Variants in EMILIN2 observed in about 807,000 individuals in gnomAD.
EMILIN2 encodes the protein elastin microfibril interfacer 2.
A neutral mutation model predicts 87.1 loss-of-function variants in EMILIN2; 71 were observed. The observed-to-expected ratio is 0.82, with a 90% CI of 0.67 to 0.99. The LOEUF (loss-of-function observed/expected upper bound fraction) is 0.99. EMILIN2 is among the 50% of genes least tolerant of loss of function. The pLI, the probability that EMILIN2 is intolerant of heterozygous loss-of-function variation, is 0.00. For missense variants in EMILIN2, 1,407 were observed against 1,371.8 expected (o/e 1.03, Z -0.40); for synonymous variants, 581 against 563.4 (o/e 1.03, Z -0.44).
At chr18:2,907,457 C>T (rs1042637176) in intron 5 of EMILIN2, among the ~76,000 whole-genome samples, 5 of 152,324 alleles carry the variant, frequency 3.3e-5, no homozygotes, top group African/African-American at 9.6e-5. Flanking sequence ...GGCAGGAGGG[C>T]TGTCTACCAC....
intron 2 of EMILIN2, among the ~76,000 whole-genome samples, chr18:2,873,468 G>A (rs576155787): frequency 6.6e-6 from 1 of 151,700 alleles, no homozygotes; most frequent in African/African-American, 2.4e-5. Context: ...AGCACTTTGG[G>A]AGGCCGAGGC....
chr18:2,889,965 ATGTC>A (rs2076826034), intron 3 of EMILIN2, among the ~76,000 whole-genome samples: 1 of 152,240 alleles, frequency 6.6e-6, no homozygotes, highest in African/African-American at 2.4e-5. Context: ...GGGCTAAACA[ATGTC>A]TGTGAGACTC....
At chr18:2,887,411 C>A (rs1259930184) in intron 3 of EMILIN2, among the ~76,000 whole-genome samples, 4 of 152,144 alleles carry the variant, frequency 2.6e-5, no homozygotes, top group Admixed American at 2.6e-4. Flanking sequence ...GATGGGGTAT[C>A]ATGGGAGGTG....
chr18:2,906,973 G>C lies in EMILIN2; in HGVS notation c.2550G>C (p.Gln850His). ...GSTGVIAETGQAGPPAGAGVS... is the reference protein window; with the variant it reads ...GSTGVIAETGHAGPPAGAGVS... ...CCGGGGTCATCGCGGAGACGGGCCAGGCCGGGCCCCCCGCAGGCGCAGGCG... is the reference window on the plus strand; with the variant it reads ...CCGGGGTCATCGCGGAGACGGGCCACGCCGGGCCCCCCGCAGGCGCAGGCG... The change falls in exon 5 of 8, where the codon CAG becomes CAC. Residue 850 changes from glutamine (Q) to histidine (H), a missense_variant. Transcript: ENST00000254528. 7.2e-7 allele frequency: 1 copy of C among 1,392,402 alleles called. No homozygotes were observed. The allele number at this position is 1,392,402 out of a possible 1,614,324, so 86.3% of individuals were successfully genotyped here.
intron 7 of EMILIN2, among the ~76,000 whole-genome samples, chr18:2,912,812 T>C (rs768625978): frequency 1.6e-4 from 25 of 152,276 alleles, no homozygotes; most frequent in Non-Finnish European, 2.8e-4. Context: ...CTTTAGGTGC[T>C]TCCAATAAGG....
At chr18:2,864,158 T>G (rs2076674781) in intron 2 of EMILIN2, among the ~76,000 whole-genome samples, 1 of 152,194 alleles carries the variant, frequency 6.6e-6, no homozygotes, top group Non-Finnish European at 1.5e-5. Flanking sequence ...CACTGTTGGG[T>G]CTTGACTCTT....
At chr18:2,892,535 A>G (rs367803115) in intron 4 of EMILIN2, 49 bp downstream of exon 4, 17 of 1,511,300 alleles carry the variant, frequency 1.1e-5, no homozygotes, top group Non-Finnish European at 1.5e-5. Flanking sequence ...TGCAGCACGC[A>G]ACAACATTTT....
At chr18:2,862,141 A>T (rs1038920831) in intron 2 of EMILIN2, among the ~76,000 whole-genome samples, 1 of 152,164 alleles carries the variant, frequency 6.6e-6, no homozygotes, top group Non-Finnish European at 1.5e-5. Flanking sequence ...GGGCTGAGAC[A>T]GTGGGGTTTT....
At chr18:2,888,186 A>G (rs572717840) in intron 3 of EMILIN2, among the ~76,000 whole-genome samples, 2 of 152,322 alleles carry the variant, frequency 1.3e-5, no homozygotes, top group African/African-American at 4.8e-5. Context: ...ATTCACTAGA[A>G]TAAATTTCTT....
chr18:2,846,923 G>C, upstream of EMILIN2: 3 of 991,250 alleles, frequency 3.0e-6, no homozygotes, highest in South Asian at 4.5e-5. This position sits in a 1 kb window ranked among gnomAD's most constrained non-coding sequence, Gnocchi z 5.3. Context: ...TTCGGAGAGG[G>C]AAGTGAAATA....
chr18:2,905,399 G>A (rs570721929), intron 4 of EMILIN2, among the ~76,000 whole-genome samples: 1 of 151,692 alleles, frequency 6.6e-6, no homozygotes, highest in Non-Finnish European at 1.5e-5. Context: ...TATATATGGG[G>A]TACATGAGGT....
At chr18:2,874,331 A>G (rs56737357) in intron 2 of EMILIN2, among the ~76,000 whole-genome samples, 2,087 of 152,214 alleles carry the variant, frequency 0.014, 57 homozygotes, top group African/African-American at 0.047. Context: ...CTAGGACTCC[A>G]GGTGTGCACC....
chr18:2,898,738 A>G (rs1598502793), intron 4 of EMILIN2, among the ~76,000 whole-genome samples: 1 of 152,216 alleles, frequency 6.6e-6, no homozygotes, highest in African/African-American at 2.4e-5. Flanking sequence ...TCAAATAACT[A>G]TTTAACCAGA....
At chr18:2,869,285 A>G (rs1168335697) in intron 2 of EMILIN2, among the ~76,000 whole-genome samples, 1 of 152,208 alleles carries the variant, frequency 6.6e-6, no homozygotes, top group African/African-American at 2.4e-5. Context: ...ATAGTTAAAA[A>G]AAAAAAAGCT....
In EMILIN2 at chr18:2,890,959, G is replaced by A. The variant is rs2144037565; in HGVS notation, c.832G>A (p.Asp278Asn). 1 of 1,614,174 alleles carries A rather than the reference G, an allele frequency of 6.2e-7. No individual in the cohort carries two copies. The highest frequency in any genetic ancestry group is 2.2e-5 in the East Asian group (1 of 44,890). Residue 278 changes from aspartate to asparagine, a missense_variant, in exon 4 of 8, where the codon GAC becomes AAC. Asp to Asn is a conservative substitution (Grantham distance 23, BLOSUM62 1). Coordinates refer to ENST00000254528, the MANE Select transcript of EMILIN2 (RefSeq NM_032048.3). The surrounding 1 kb of genome is among the most constrained non-coding windows in gnomAD (Gnocchi z 4.7). ...CAAAGATACTCTAAAGAACAAAAGT[G>A]ACAAGCTGGAAGAGCTGGATGGAAA... ...EVKDTLKNKSDKLEELDGKVK... is the reference protein window; with the variant it reads ...EVKDTLKNKSNKLEELDGKVK...
intron 2 of EMILIN2, among the ~76,000 whole-genome samples, chr18:2,858,549 A>ATATATATATATATATATGTGTG (rs2076640780): frequency 2.3e-5 from 1 of 44,178 alleles, no homozygotes; most frequent in Non-Finnish European, 3.8e-5. Flanking sequence ...ATATATATAT[A>ATATATATATATATATATGTGTG]TATATATATA....
chr18:2,854,862 C>G (rs1349710979), intron 2 of EMILIN2, among the ~76,000 whole-genome samples: 1 of 152,212 alleles, frequency 6.6e-6, no homozygotes, highest in Non-Finnish European at 1.5e-5. Flanking sequence ...GGGCTTACAT[C>G]TTCCAGAGCC....
rs936630774 is a variant in EMILIN2, at chr18:2,880,543, G to A, written c.258-4421G>A. Among the ~76,000 whole-genome samples, 5 of 152,192 alleles carry A rather than the reference G, an allele frequency of 3.3e-5. No homozygotes were observed. Among genetic ancestry groups the A allele is most frequent in the African/African-American group, 4.8e-5 (2 of 41,442 alleles). ...TGGACGGGGCTCTCCAGAGGGCTGG[G>A]GCACCATCACAGTCACAGCCGAGGC... On this transcript the variant is annotated intron_variant, in intron 2 of 7. Transcript: ENST00000254528. This position sits in a 1 kb window ranked among gnomAD's most constrained non-coding sequence, Gnocchi z 4.1.
At chr18:2,846,336 G>A (rs907226477), upstream of EMILIN2, among the ~76,000 whole-genome samples, 2 of 152,236 alleles carry the variant, frequency 1.3e-5, no homozygotes, top group African/African-American at 4.8e-5. This position sits in a 1 kb window ranked among gnomAD's most constrained non-coding sequence, Gnocchi z 5.3. Flanking sequence ...CTCAGAAGCA[G>A]AGGCTGTGAG....
Sources: allele counts gnomAD v4.1 joint callset (sites outside exome capture counted in the v4.1 genomes callset), GRCh38; gene constraint gnomAD v4.1.1; non-coding constraint Gnocchi (gnomAD v3.1); transcripts MANE v1.5; gene names NCBI Gene and HGNC (gene_info 2026-07-23, HGNC 2026-07-21).